The following SNTG1 variants were observed in gnomAD, a reference collection of about 807,000 sequenced individuals.
SNTG1 encodes the protein syntrophin gamma 1, also known as gamma-1-syntrophin.
A neutral mutation model predicts 74.7 loss-of-function variants in SNTG1; 39 were observed. The observed-to-expected ratio is 0.52, with a 90% CI of 0.40 to 0.68. The LOEUF (loss-of-function observed/expected upper bound fraction) is 0.68. SNTG1 is among the 30% of genes least tolerant of loss of function. SNTG1 has a pLI of 0.00. For missense variants in SNTG1, 685 were observed against 609.5 expected (o/e 1.12, Z -1.30); for synonymous variants, 254 against 217.1 (o/e 1.17, Z -1.49).
intron 12 of SNTG1, among the ~76,000 whole-genome samples, chr8:50,557,630 A>G (rs948178696): frequency 6.6e-6 from 1 of 152,070 alleles, no homozygotes. Flanking sequence ...TGTGTGTGTC[A>G]CTTATCAGAA....
intron 16 of SNTG1, among the ~76,000 whole-genome samples, chr8:50,706,170 C>G (rs1402243507): frequency 6.6e-6 from 1 of 152,098 alleles, no homozygotes; most frequent in African/African-American, 2.4e-5. Context: ...GTTCAGTTGA[C>G]TCTTTTCAAT....
intron 18 of SNTG1, among the ~76,000 whole-genome samples, chr8:50,774,862 C>T (rs954389116): frequency 2.0e-5 from 3 of 151,254 alleles, no homozygotes; most frequent in African/African-American, 4.8e-5. Context: ...GCACTATTGA[C>T]GTTGTCATTG....
At position 50,416,253 on chromosome 8, in the gene SNTG1, T is replaced by G. The variant is rs547100821; in HGVS notation, c.162+13909T>G. Among the ~76,000 whole-genome samples the G allele has an allele frequency of 3.8e-4, 58 of 152,262 alleles. 1 individual carries two copies. In the South Asian group the frequency reaches 0.011, roughly 30 times the overall value. ...GATCATTTGCTCGCACACTAAATAT[T>G]CCTGGATTGCCATGGAGGTTATAAG... On this transcript the variant is annotated intron_variant, in intron 4 of 18. Coordinates refer to ENST00000642720, the MANE Select transcript of SNTG1 (RefSeq NM_018967.5).
chr8:50,763,852 CAGAA>C (rs2095606024), intron 18 of SNTG1, among the ~76,000 whole-genome samples: 1 of 97,830 alleles, frequency 1.0e-5, no homozygotes. Flanking sequence ...AAAATTAATA[CAGAA>C]ACACACACAC....
intron 2 of SNTG1, among the ~76,000 whole-genome samples, chr8:50,274,872 T>C (rs914339246): frequency 5.9e-5 from 9 of 152,214 alleles, no homozygotes; most frequent in African/African-American, 1.9e-4. Flanking sequence ...TTTCTAGTGT[T>C]GAACTAGCGT....
chr8:50,245,663 G>T (rs7000325), intron 2 of SNTG1, among the ~76,000 whole-genome samples: 1 of 151,844 alleles, frequency 6.6e-6, no homozygotes, highest in African/African-American at 2.4e-5. Flanking sequence ...AGCCTAAGTG[G>T]CAGAGTAAGA....
intron 4 of SNTG1, among the ~76,000 whole-genome samples, chr8:50,407,403 G>C (rs954656240): frequency 6.6e-6 from 1 of 152,058 alleles, no homozygotes; most frequent in Admixed American, 6.6e-5. Flanking sequence ...CAGGGGCAGG[G>C]GACTGAAAAC....
chr8:50,779,811 C>G (rs1330956801), intron 18 of SNTG1, among the ~76,000 whole-genome samples: 1 of 152,038 alleles, frequency 6.6e-6, no homozygotes, highest in Non-Finnish European at 1.5e-5. Context: ...CCAGTTTTTG[C>G]CAATTCAGTA....
intron 2 of SNTG1, among the ~76,000 whole-genome samples, chr8:50,207,660 G>A (rs1349538460): frequency 6.6e-6 from 1 of 152,010 alleles, no homozygotes; most frequent in Non-Finnish European, 1.5e-5. Context: ...GTGATATTAT[G>A]GTGTCAATTT....
In SNTG1 at chr8:50,462,529, C is replaced by T. The variant is rs2093572941; in HGVS notation, c.363+11800C>T. Among the ~76,000 whole-genome samples the T allele has an allele frequency of 3.3e-5, 5 of 151,898 alleles. No individual in the cohort carries two copies. In the South Asian group the frequency reaches 1.0e-3, roughly 32 times the overall value. On this transcript the variant is annotated intron_variant, in intron 8 of 18. Coordinates refer to ENST00000642720, the MANE Select transcript of SNTG1 (RefSeq NM_018967.5). ...GGCTCTTCCTTTCATGAAAAATTTTCCGTAATGTGATGCTGTTTAATAGCA... is the reference window on the plus strand; with the variant it reads ...GGCTCTTCCTTTCATGAAAAATTTTTCGTAATGTGATGCTGTTTAATAGCA...
chr8:50,663,286 G>A (rs1032514208), intron 15 of SNTG1, among the ~76,000 whole-genome samples: 2 of 152,114 alleles, frequency 1.3e-5, no homozygotes, highest in Admixed American at 6.6e-5. Flanking sequence ...CCTTAATAAA[G>A]CACATGAACT....
chr8:50,434,956 T>A (rs1045439998), intron 4 of SNTG1, among the ~76,000 whole-genome samples: 5 of 152,240 alleles, frequency 3.3e-5, no homozygotes, highest in African/African-American at 1.2e-4. Context: ...CATACAAATC[T>A]CAAAATTTCA....
intron 1 of SNTG1, among the ~76,000 whole-genome samples, chr8:50,000,679 G>A (rs1353911150): frequency 2.0e-5 from 3 of 152,122 alleles, no homozygotes; most frequent in South Asian, 2.1e-4. Context: ...TTACGCTCTC[G>A]TGCCCCTAAA....
chr8:50,090,956 T>C (rs1490146152), intron 1 of SNTG1, among the ~76,000 whole-genome samples: 1 of 152,102 alleles, frequency 6.6e-6, no homozygotes. Flanking sequence ...AAGGACTAGT[T>C]TACTACTTTT....
intron 3 of SNTG1, among the ~76,000 whole-genome samples, chr8:50,400,174 C>A (rs183319075): frequency 3.6e-4 from 55 of 152,238 alleles, no homozygotes; most frequent in Non-Finnish European, 7.2e-4. Context: ...AATGTATATT[C>A]CAAGAGAAAG....
intron 15 of SNTG1, among the ~76,000 whole-genome samples, chr8:50,704,272 G>A (rs1338673267): frequency 6.6e-6 from 1 of 152,162 alleles, no homozygotes; most frequent in East Asian, 1.9e-4. Context: ...AGTTATGTAA[G>A]GAAGGGAAGA....
chr8:50,230,830 G>A (rs1186810236), intron 2 of SNTG1, among the ~76,000 whole-genome samples: 4 of 78,296 alleles, frequency 5.1e-5, no homozygotes, highest in East Asian at 9.6e-4. Context: ...TCTAACATTG[G>A]TTTGGGTAAC....
At chr8:50,060,410 G>C (rs1462417736) in intron 1 of SNTG1, among the ~76,000 whole-genome samples, 1 of 151,978 alleles carries the variant, frequency 6.6e-6, no homozygotes, top group Non-Finnish European at 1.5e-5. Flanking sequence ...TATGCTTCTT[G>C]AGTCACATCT....
chr8:50,590,888 A>G lies in SNTG1; in HGVS notation c.820A>G (p.Ile274Val), dbSNP rs1239807151. 1 of 1,570,834 alleles carries G rather than the reference A, an allele frequency of 6.4e-7. No homozygotes were observed. The highest frequency in any genetic ancestry group is 1.2e-5 in the South Asian group (1 of 84,722). ...TTATTTATCATTGCAGATTAAAAAA[A>G]TCAACAGAAACTTTCCTGTAAACCA... ...SNLTKHNIKK[I>V]NRNFPVNQQI... The change falls in exon 13 of 19, where the codon ATC becomes GTC. Residue 274 changes from isoleucine to valine, a missense_variant. By Grantham distance (29) the Ile-to-Val change is conservative (BLOSUM62 3). Coordinates refer to ENST00000642720, the MANE Select transcript of SNTG1 (RefSeq NM_018967.5).
Sources: gnomAD v4.1 joint callset for allele counts (sites outside exome capture counted in the v4.1 genomes callset) on GRCh38, gnomAD v4.1.1 for gene constraint, MANE v1.5 for transcripts, NCBI Gene and HGNC (gene_info 2026-07-23, HGNC 2026-07-21) for gene names.